The following MTUS2 variants were observed in gnomAD, a reference collection of about 807,000 sequenced individuals.
MTUS2 encodes the protein microtubule associated scaffold protein 2.
MTUS2 carries 40 observed loss-of-function variants against 114.1 expected under a neutral mutation model. The observed-to-expected ratio is 0.35, with a 90% CI of 0.27 to 0.46. The LOEUF (loss-of-function observed/expected upper bound fraction) is 0.46. Among genes scored for constraint, MTUS2 ranks in the 20% least tolerant of loss-of-function variants. The pLI, the probability that MTUS2 is intolerant of heterozygous loss-of-function variation, is 1.00. For synonymous variants in MTUS2, 688 were observed against 672.0 expected (o/e 1.02, Z -0.37); for missense variants, 1,679 against 1,705.4 (o/e 0.98, Z 0.27).
chr13:29,350,400 A>T (rs1349833970), intron 7 of MTUS2, among the ~76,000 whole-genome samples: 2 of 151,186 alleles, frequency 1.3e-5, no homozygotes, highest in African/African-American at 4.9e-5. Flanking sequence ...TCATAGGGCC[A>T]CCCACATTCC....
intron 1 of MTUS2, among the ~76,000 whole-genome samples, chr13:28,832,648 C>A: frequency 6.9e-6 from 1 of 145,050 alleles, no homozygotes; most frequent in African/African-American, 2.5e-5. Flanking sequence ...TATAATATGA[C>A]AATATATTAA....
intron 2 of MTUS2, among the ~76,000 whole-genome samples, chr13:28,909,500 C>T (rs565912817): frequency 2.2e-4 from 34 of 152,172 alleles, no homozygotes; most frequent in Middle Eastern, 3.4e-3. Flanking sequence ...TTAAAACTCT[C>T]AATAAATTAG....
intron 5 of MTUS2, among the ~76,000 whole-genome samples, chr13:29,214,031 C>CT (rs1895570738): frequency 6.6e-6 from 1 of 151,772 alleles, no homozygotes; most frequent in African/African-American, 2.4e-5. Context: ...TGTTTTTATC[C>CT]TTTAACTTTC....
At chr13:29,440,408 T>C (rs929849575) in intron 9 of MTUS2, among the ~76,000 whole-genome samples, 1 of 152,208 alleles carries the variant, frequency 6.6e-6, no homozygotes, top group Non-Finnish European at 1.5e-5. Flanking sequence ...CCTGCCACTG[T>C]CTACCCTGTC....
At chr13:29,297,635 A>G (rs1357360163) in intron 6 of MTUS2, among the ~76,000 whole-genome samples, 1 of 152,224 alleles carries the variant, frequency 6.6e-6, no homozygotes, top group East Asian at 1.9e-4. Flanking sequence ...TATTCTTGCT[A>G]GTTACCTTAC....
chr13:29,361,216 C>T (rs1870223465), intron 8 of MTUS2, among the ~76,000 whole-genome samples: 1 of 152,162 alleles, frequency 6.6e-6, no homozygotes, highest in South Asian at 2.1e-4. Context: ...AGGTGATTTG[C>T]AGGCATCTCC....
At chr13:29,170,636 GC>G (rs1387006361) in intron 5 of MTUS2, among the ~76,000 whole-genome samples, 3 of 152,150 alleles carry the variant, frequency 2.0e-5, no homozygotes, top group Non-Finnish European at 4.4e-5. Flanking sequence ...TTTCCTTGCT[GC>G]CCTCCACCCA....
chr13:29,378,110 A>T (rs1871891286), intron 8 of MTUS2, among the ~76,000 whole-genome samples: 1 of 152,192 alleles, frequency 6.6e-6, no homozygotes, highest in South Asian at 2.1e-4. Flanking sequence ...GCTGGAGGTT[A>T]GAGATGGGGG....
At chr13:28,960,444 T>C (rs1254139851) in intron 2 of MTUS2, among the ~76,000 whole-genome samples, 1 of 137,750 alleles carries the variant, frequency 7.3e-6, no homozygotes, top group Non-Finnish European at 1.5e-5. Context: ...TTCATAGTAT[T>C]GTTCATAACA....
intron 4 of MTUS2, among the ~76,000 whole-genome samples, chr13:29,072,846 A>G (rs1889005456): frequency 6.6e-6 from 1 of 152,238 alleles, no homozygotes; most frequent in Admixed American, 6.5e-5. Context: ...TATTAGTACA[A>G]GGTCACTCAG....
intron 2 of MTUS2, among the ~76,000 whole-genome samples, chr13:29,021,114 A>C (rs1405104148): frequency 1.3e-5 from 2 of 152,142 alleles, no homozygotes; most frequent in Non-Finnish European, 2.9e-5. Context: ...AAAAAATTAA[A>C]AAATTAGCCA....
intron 6 of MTUS2, among the ~76,000 whole-genome samples, chr13:29,292,238 T>A (rs1898746372): frequency 6.6e-6 from 1 of 152,220 alleles, no homozygotes; most frequent in South Asian, 2.1e-4. Flanking sequence ...TCTAAGCTGA[T>A]GATGGCTGAG....
At chr13:29,051,236 T>C (rs61945794) in intron 4 of MTUS2, among the ~76,000 whole-genome samples, 5,894 of 152,028 alleles carry the variant, frequency 0.039, 165 homozygotes, top group South Asian at 0.11. Flanking sequence ...GCCAATAGGA[T>C]TGGACTCTGA....
chr13:29,118,651 T>G (rs1232000442), intron 5 of MTUS2, among the ~76,000 whole-genome samples: 1 of 152,116 alleles, frequency 6.6e-6, no homozygotes, highest in Non-Finnish European at 1.5e-5. Context: ...TCTGTGTGAG[T>G]GATCCCTGGA....
At chr13:29,185,829 C>A (rs1894200473) in intron 5 of MTUS2, among the ~76,000 whole-genome samples, 1 of 151,946 alleles carries the variant, frequency 6.6e-6, no homozygotes. Flanking sequence ...AGATATCTAA[C>A]ACAAAGCAGT....
chr13:29,167,353 C>T (rs972715119), intron 5 of MTUS2, among the ~76,000 whole-genome samples: 3 of 149,700 alleles, frequency 2.0e-5, no homozygotes, highest in South Asian at 2.1e-4. Flanking sequence ...CCAGCCTGGG[C>T]GACAGAGCAA....
At chr13:29,078,188 T>C (rs374389626) in intron 4 of MTUS2, among the ~76,000 whole-genome samples, 1 of 152,284 alleles carries the variant, frequency 6.6e-6, no homozygotes, top group Non-Finnish European at 1.5e-5. Context: ...ATTTGAATAT[T>C]TGATCTTAGG....
At chr13:29,143,654 C>T (rs576692558) in intron 5 of MTUS2, among the ~76,000 whole-genome samples, 4 of 152,210 alleles carry the variant, frequency 2.6e-5, no homozygotes, top group South Asian at 2.1e-4. Context: ...TGGGGTGCCT[C>T]AGGAATTGGT....
At chr13:29,155,674 C>T (rs556212068) in intron 5 of MTUS2, among the ~76,000 whole-genome samples, 3 of 152,118 alleles carry the variant, frequency 2.0e-5, no homozygotes, top group Admixed American at 6.5e-5. Context: ...ACCAGAAATT[C>T]TGTATTTCTA....
Sources: gnomAD v4.1 joint callset for allele counts (sites outside exome capture counted in the v4.1 genomes callset) on GRCh38, gnomAD v4.1.1 for gene constraint, MANE v1.5 for transcripts, NCBI Gene and HGNC (gene_info 2026-07-23, HGNC 2026-07-21) for gene names.